The following KHDRBS2 variants were observed in gnomAD, a reference collection of about 807,000 sequenced individuals.
KHDRBS2 encodes KH RNA binding domain containing, signal transduction associated 2, also known as KH domain-containing, RNA-binding, signal transduction-associated protein 2.
In KHDRBS2, 26 loss-of-function variants were observed where a neutral mutation model predicts 44.3. The observed-to-expected ratio is 0.59, with a 90% CI of 0.43 to 0.81. The LOEUF (loss-of-function observed/expected upper bound fraction) is 0.81, where lower values mean the gene tolerates loss of function less well. KHDRBS2 is among the 40% of genes least tolerant of loss of function. KHDRBS2 has a pLI of 0.00. For missense variants in KHDRBS2, 476 were observed against 433.1 expected (o/e 1.10, Z -0.88); for synonymous variants, 194 against 151.1 (o/e 1.28, Z -2.08).
intron 7 of KHDRBS2, among the ~76,000 whole-genome samples, chr6:61,723,394 T>C (rs1489557591): frequency 6.6e-6 from 1 of 152,058 alleles, no homozygotes; most frequent in East Asian, 1.9e-4. Flanking sequence ...AATGGCTGAA[T>C]TGACAGAAGT....
At chr6:62,138,879 C>G (rs1812139507) in intron 2 of KHDRBS2, among the ~76,000 whole-genome samples, 1 of 152,088 alleles carries the variant, frequency 6.6e-6, no homozygotes, top group African/African-American at 2.4e-5. Context: ...TATCACAGTG[C>G]CTGCATGTTT....
chr6:61,637,684 C>T, the KHDRBS2 span, among the ~76,000 whole-genome samples: 1 of 152,166 alleles, frequency 6.6e-6, no homozygotes, highest in African/African-American at 2.4e-5. Flanking sequence ...TCCAAATCCT[C>T]TCCAGCACCT....
chr6:61,601,267 T>C, the KHDRBS2 span, among the ~76,000 whole-genome samples: 3 of 151,788 alleles, frequency 2.0e-5, no homozygotes, highest in African/African-American at 7.3e-5. Context: ...CCCCCACCCC[T>C]TCTCTCCATG....
chr6:62,198,640 C>T lies in KHDRBS2; in HGVS notation c.92-21328G>A, dbSNP rs573738571. Among the ~76,000 whole-genome samples, 54 of 152,170 alleles carry T rather than the reference C, an allele frequency of 3.5e-4. 1 individual carries two copies. The South Asian group carries it at 0.011, about 32-fold the overall frequency. Reference sequence around the variant, plus strand: ...GTCCAGGACCAGATGGATTCACAGCCGAATTTTACCAGAGGTACAAGGAGG... The same window carrying T: ...GTCCAGGACCAGATGGATTCACAGCTGAATTTTACCAGAGGTACAAGGAGG... On this transcript the variant is annotated intron_variant, in intron 1 of 8. Transcript: ENST00000281156.
intron 2 of KHDRBS2, among the ~76,000 whole-genome samples, chr6:62,050,596 A>G (rs1242249591): frequency 6.6e-6 from 1 of 152,006 alleles, no homozygotes; most frequent in Non-Finnish European, 1.5e-5. Context: ...AATCTCACAC[A>G]CACACACATA....
At chr6:61,592,025 A>G in the KHDRBS2 span, among the ~76,000 whole-genome samples, 1 of 151,962 alleles carries the variant, frequency 6.6e-6, no homozygotes, top group Admixed American at 6.6e-5. Flanking sequence ...CCTCATCTTT[A>G]CAAACAACAG....
intron 2 of KHDRBS2, among the ~76,000 whole-genome samples, chr6:62,099,580 A>G (rs1355837508): frequency 6.6e-6 from 1 of 152,284 alleles, no homozygotes; most frequent in Non-Finnish European, 1.5e-5. Flanking sequence ...TGGGTCAGGA[A>G]CCGTGGGGCT....
At chr6:61,563,678 A>T in the KHDRBS2 span, among the ~76,000 whole-genome samples, 2 of 152,114 alleles carry the variant, frequency 1.3e-5, no homozygotes, top group African/African-American at 4.8e-5. Context: ...CCTGAAAGGC[A>T]TCCTTTTTAT....
intron 4 of KHDRBS2, among the ~76,000 whole-genome samples, chr6:61,926,820 G>GAAATGA (rs112503565): frequency 0.068 from 10,242 of 151,168 alleles, 412 homozygotes; most frequent in Middle Eastern, 0.13. Flanking sequence ...ATATCACCCA[G>GAAATGA]AAACTTCAAA....
At position 62,105,839 on chromosome 6, in the gene KHDRBS2, T is replaced by G. The variant is rs551425384; in HGVS notation, c.220-57845A>C. 3.8e-3 allele frequency among the ~76,000 whole-genome samples: 585 copies of G among 152,316 alleles called. 2 individuals are homozygous for G. Among genetic ancestry groups the G allele is most frequent in the African/African-American group, 0.014 (566 of 41,572 alleles). The stretch of plus-strand genomic sequence containing the variant: ...TGCTAGCTTTTGAATGTGTTTGCTC[T>G]TGCTTTTCGAGTTCTTTTAATTGTG... On this transcript the variant is annotated intron_variant, in intron 2 of 8. Transcript: ENST00000281156.
intron 6 of KHDRBS2, among the ~76,000 whole-genome samples, chr6:61,790,794 A>G (rs567470536): frequency 1.3e-5 from 2 of 151,688 alleles, no homozygotes; most frequent in Non-Finnish European, 3.0e-5. Flanking sequence ...GAACCCTTGA[A>G]TGGTTTACCC....
chr6:62,148,921 G>A (rs1280535293), intron 2 of KHDRBS2, among the ~76,000 whole-genome samples: 1 of 152,052 alleles, frequency 6.6e-6, no homozygotes, highest in African/African-American at 2.4e-5. Context: ...CCCTTCACGT[G>A]TGAATGGCTA....
intron 4 of KHDRBS2, among the ~76,000 whole-genome samples, chr6:61,948,149 G>A (rs545287090): frequency 6.6e-5 from 10 of 151,920 alleles, no homozygotes; most frequent in South Asian, 2.1e-4. Flanking sequence ...AAACCATTCC[G>A]AGAAAGCAAA....
intron 2 of KHDRBS2, among the ~76,000 whole-genome samples, chr6:62,064,933 A>C (rs1793172661): frequency 6.6e-6 from 1 of 151,774 alleles, no homozygotes; most frequent in African/African-American, 2.4e-5. Context: ...ACAAATTTAC[A>C]AGAAAAAAAC....
At chr6:61,787,349 G>A (rs2127583693) in intron 6 of KHDRBS2, among the ~76,000 whole-genome samples, 1 of 151,712 alleles carries the variant, frequency 6.6e-6, no homozygotes, top group South Asian at 2.1e-4. Context: ...GTGAAATTAT[G>A]TATGACTTCA....
At chr6:61,593,183 C>A in the KHDRBS2 span, among the ~76,000 whole-genome samples, 3 of 152,138 alleles carry the variant, frequency 2.0e-5, no homozygotes, top group African/African-American at 7.2e-5. Context: ...CTGCATAATT[C>A]ATAAGTCAAT....
chr6:61,817,251 G>A (rs1337723558), intron 6 of KHDRBS2, among the ~76,000 whole-genome samples: 1 of 150,358 alleles, frequency 6.7e-6, no homozygotes. Flanking sequence ...TGTGGAAAAT[G>A]GTAAGATGAA....
chr6:61,677,137 TGAGA>T (rs1179090912), downstream of KHDRBS2, among the ~76,000 whole-genome samples: 5 of 151,882 alleles, frequency 3.3e-5, no homozygotes, highest in Admixed American at 2.6e-4. Flanking sequence ...GTCTGAATGG[TGAGA>T]GAGTCATAGG....
chr6:61,711,936 T>C (rs567145255), intron 7 of KHDRBS2, among the ~76,000 whole-genome samples: 2 of 151,916 alleles, frequency 1.3e-5, no homozygotes, highest in East Asian at 3.9e-4. Flanking sequence ...ACTTAGCTCA[T>C]GTGCTTTTGG....
Sources: allele counts gnomAD v4.1 joint callset (sites outside exome capture counted in the v4.1 genomes callset), GRCh38; gene constraint gnomAD v4.1.1; transcripts MANE v1.5; gene names NCBI Gene and HGNC (gene_info 2026-07-23, HGNC 2026-07-21).